The following PWWP3B variants were observed in gnomAD, a reference collection of about 807,000 sequenced individuals.
PWWP3B encodes PWWP domain-containing DNA repair factor 3B.
A neutral mutation model predicts 15.7 loss-of-function variants in PWWP3B; 5 were observed. The ratio of observed to expected loss-of-function variants is 0.32; its 90% CI spans 0.17 to 0.67. PWWP3B has a LOEUF of 0.67. Among genes scored for constraint, PWWP3B ranks in the 30% least tolerant of loss-of-function variants. PWWP3B has a pLI of 0.74. For missense variants in PWWP3B, 519 were observed against 493.1 expected (o/e 1.05, Z -0.50); for synonymous variants, 203 against 179.8 (o/e 1.13, Z -1.03).
intron 2 of PWWP3B, among the ~76,000 whole-genome samples, chrX:106,175,115 T>A (rs5962654): frequency 1.3e-4 from 14 of 108,909 alleles, no homozygotes; most frequent in African/African-American, 4.7e-4. Context: ...TGTAGATGGA[T>A]GTAAGAGATA....
At chrX:106,189,694 T>G (rs1422588076) in intron 2 of PWWP3B, among the ~76,000 whole-genome samples, 4 of 102,495 alleles carry the variant, frequency 3.9e-5, no homozygotes, top group Non-Finnish European at 5.9e-5. Context: ...CTCGGCTCAC[T>G]GCAAGCTCTG....
rs1425454844 is a variant in PWWP3B, at chrX:106,171,073, C to G, written c.-467C>G. 1 of 111,523 alleles carries G rather than the reference C, an allele frequency of 9.0e-6. No homozygotes were observed. Among genetic ancestry groups the G allele is most frequent in the Non-Finnish European group, 1.9e-5 (1 of 53,178 alleles). 9.2% of individuals were successfully genotyped at this position (111,523 alleles called of 1,213,427 possible). On this transcript the variant is annotated 5_prime_UTR_variant, in exon 2 of 4. Coordinates refer to ENST00000357175, the MANE Select transcript of PWWP3B (RefSeq NM_001171020.2). ...TGAGCCAGGTAAAGACCCTGCTGGA[C>G]AAGCAGCTGGAGTGAGAATCAAGAC...
chrX:106,173,651 C>T (rs1183262840), intron 2 of PWWP3B, among the ~76,000 whole-genome samples: 1 of 111,902 alleles, frequency 8.9e-6, no homozygotes, highest in Non-Finnish European at 1.9e-5. Flanking sequence ...CATTTACTAT[C>T]CCCAGATAAA....
At chrX:106,191,890 C>G (rs1922993988) in intron 2 of PWWP3B, among the ~76,000 whole-genome samples, 1 of 111,748 alleles carries the variant, frequency 8.9e-6, no homozygotes, top group African/African-American at 3.3e-5. Flanking sequence ...AGAGATGAAG[C>G]CCACTCTATC....
chrX:106,205,073 A>C, intron 3 of PWWP3B, 146 bp from the exon 4 acceptor site: 1 of 132,656 alleles, frequency 7.5e-6, no homozygotes, highest in Non-Finnish European at 1.5e-5. Context: ...CCCCCCCGCA[A>C]TCTTATATTA....
chrX:106,201,082 TAAAAA>T (rs1030027353), intron 2 of PWWP3B, among the ~76,000 whole-genome samples: 1 of 109,423 alleles, frequency 9.1e-6, no homozygotes, highest in Non-Finnish European at 1.9e-5. Flanking sequence ...AAAATAAAAA[TAAAAA>T]AAGAAACAAT....
intron 2 of PWWP3B, among the ~76,000 whole-genome samples, chrX:106,190,949 C>G (rs183685329): frequency 8.8e-4 from 98 of 111,283 alleles, no homozygotes; most frequent in African/African-American, 3.0e-3. Context: ...TTACCGTAGC[C>G]TTGTAGTATA....
chrX:106,169,944 C>A lies in PWWP3B; in HGVS notation c.-528-1068C>A, dbSNP rs921793493. ...ATGCTACTTTATTAATTGGAGAAATCTGGAAATAATACATGCCACTTTATT... is the reference window on the plus strand; with the variant it reads ...ATGCTACTTTATTAATTGGAGAAATATGGAAATAATACATGCCACTTTATT... On this transcript the variant is annotated intron_variant, in intron 1 of 3. Coordinates refer to ENST00000357175, the MANE Select transcript of PWWP3B (RefSeq NM_001171020.2). 2.7e-5 allele frequency among the ~76,000 whole-genome samples: 3 copies of A among 111,388 alleles called. No homozygotes were observed. In the Admixed American group the frequency reaches 2.9e-4, roughly 11 times the overall value.
chrX:106,207,582 C>A lies in PWWP3B; in HGVS notation c.*59C>A. 1 of 1,052,963 alleles carries A rather than the reference C, an allele frequency of 9.5e-7. No homozygotes were observed. The highest frequency in any genetic ancestry group is 1.2e-6 in the Non-Finnish European group (1 of 803,526). The allele number at this position is 1,052,963 out of a possible 1,213,427, so 86.8% of individuals were successfully genotyped here. ...CTCATAGATACTAGTTGAAAAAAGT[C>A]TCTGAACAATTCTCTCTAATACATA... On this transcript the variant is annotated 3_prime_UTR_variant, in exon 4 of 4. Transcript: ENST00000357175.
chrX:106,199,478 G>A (rs1270231461), intron 2 of PWWP3B, among the ~76,000 whole-genome samples: 2 of 111,860 alleles, frequency 1.8e-5, no homozygotes, highest in Admixed American at 9.5e-5. Context: ...AGATTGGAAT[G>A]AGGTGATCCC....
At chrX:106,183,191 A>G (rs1022730660) in intron 2 of PWWP3B, among the ~76,000 whole-genome samples, 1 of 111,509 alleles carries the variant, frequency 9.0e-6, no homozygotes, top group Non-Finnish European at 1.9e-5. Context: ...TTGACCAACA[A>G]TAGATCTCTT....
chrX:106,183,080 A>T (rs1922304867), intron 2 of PWWP3B, among the ~76,000 whole-genome samples: 1 of 110,792 alleles, frequency 9.0e-6, no homozygotes, highest in African/African-American at 3.3e-5. Context: ...TGAATCCAAG[A>T]TTCCACTCCT....
At chrX:106,188,153 TACTA>T (rs1054941780) in intron 2 of PWWP3B, among the ~76,000 whole-genome samples, 3 of 111,722 alleles carry the variant, frequency 2.7e-5, no homozygotes, top group African/African-American at 6.5e-5. Flanking sequence ...ATATGTCCTG[TACTA>T]ACTAACTCTC....
intron 2 of PWWP3B, among the ~76,000 whole-genome samples, chrX:106,192,631 G>A (rs1427736411): frequency 2.7e-5 from 3 of 110,595 alleles, no homozygotes; most frequent in African/African-American, 1.0e-4. Flanking sequence ...TAATTGTGAT[G>A]TTAGGTTGTC....
intron 2 of PWWP3B, among the ~76,000 whole-genome samples, chrX:106,172,273 A>G (rs1489598311): frequency 1.8e-5 from 2 of 110,235 alleles, no homozygotes; most frequent in East Asian, 5.7e-4. Context: ...TATTTTTTTA[A>G]TAATAAATTA....
At chrX:106,180,368 C>T (rs1407614087) in intron 2 of PWWP3B, among the ~76,000 whole-genome samples, 3 of 111,081 alleles carry the variant, frequency 2.7e-5, no homozygotes, top group African/African-American at 9.8e-5. Flanking sequence ...TAAATATTTC[C>T]CCCCCAACCA....
chrX:106,168,978 CAA>C (rs761718098), intron 1 of PWWP3B, among the ~76,000 whole-genome samples: 44 of 111,770 alleles, frequency 3.9e-4, no homozygotes, highest in Non-Finnish European at 6.6e-4. Flanking sequence ...ACCTATCTCT[CAA>C]GAGAATTGTA....
chrX:106,169,977 G>C (rs1243656913), intron 1 of PWWP3B, among the ~76,000 whole-genome samples: 1 of 110,284 alleles, frequency 9.1e-6, no homozygotes, highest in Admixed American at 9.7e-5. Context: ...ATTAATTGGA[G>C]ATATAAGTGT....
At chrX:106,190,082 T>C (rs1922820062) in intron 2 of PWWP3B, among the ~76,000 whole-genome samples, 1 of 111,412 alleles carries the variant, frequency 9.0e-6, no homozygotes, top group Admixed American at 9.5e-5. Flanking sequence ...CTGGGTCAAA[T>C]GGTATTTCTA....
Sources: gnomAD v4.1 joint callset for allele counts (sites outside exome capture counted in the v4.1 genomes callset) on GRCh38, gnomAD v4.1.1 for gene constraint, MANE v1.5 for transcripts, NCBI Gene and HGNC (gene_info 2026-07-23, HGNC 2026-07-21) for gene names.